The following POU6F2 variants were observed in gnomAD, a reference collection of about 807,000 sequenced individuals.
POU6F2 encodes the protein POU domain, class 6, transcription factor 2.
A neutral mutation model predicts 71.3 loss-of-function variants in POU6F2; 31 were observed. That is an observed-to-expected ratio of 0.43 (90% CI 0.33 to 0.59). POU6F2 has a LOEUF of 0.59. Ranked by LOEUF, POU6F2 falls within the 20% of genes least tolerant of loss-of-function variation. The pLI, the probability that POU6F2 is intolerant of heterozygous loss-of-function variation, is 0.04. For missense variants in POU6F2, 783 were observed against 856.8 expected (o/e 0.91, Z 1.07); for synonymous variants, 347 against 355.7 (o/e 0.98, Z 0.27).
intron 1 of POU6F2, among the ~76,000 whole-genome samples, chr7:39,013,788 T>C (rs1789396820): frequency 6.6e-6 from 1 of 152,050 alleles, no homozygotes; most frequent in South Asian, 2.1e-4. Flanking sequence ...AGTCAATGAG[T>C]GGAGGAAATA....
At chr7:39,241,082 C>G (rs983173837) in intron 4 of POU6F2, among the ~76,000 whole-genome samples, 1 of 152,128 alleles carries the variant, frequency 6.6e-6, no homozygotes, top group Non-Finnish European at 1.5e-5. Context: ...CTCCCTTCCC[C>G]GCAAGACTTC....
intron 1 of POU6F2, among the ~76,000 whole-genome samples, chr7:39,079,146 A>G (rs1791060895): frequency 7.1e-6 from 1 of 141,692 alleles, no homozygotes; most frequent in African/African-American, 2.6e-5. Flanking sequence ...CATACACATT[A>G]TCTGTACATT....
chr7:39,315,289 G>A lies in POU6F2; in HGVS notation c.599-24353G>A, dbSNP rs540001022. ...TTTTTCCAGGGAAGTATCCATACTC[G>A]AGGGTCACTGCAGGAAGGATTTTCC... is the stretch of plus-strand genomic sequence containing the variant. On this transcript the variant is annotated intron_variant, in intron 4 of 9. Transcript: ENST00000518318. Among the ~76,000 whole-genome samples the A allele has an allele frequency of 2.0e-5, 3 of 152,160 alleles. No individual in the cohort carries two copies. In the East Asian group the frequency reaches 5.8e-4, roughly 29 times the overall value.
intron 5 of POU6F2, among the ~76,000 whole-genome samples, chr7:39,393,034 C>G (rs1272327079): frequency 6.6e-6 from 1 of 152,142 alleles, no homozygotes; most frequent in Non-Finnish European, 1.5e-5. Flanking sequence ...TGTTTTTAAA[C>G]CTATGTTCGG....
At chr7:39,020,331 A>G (rs567345448) in intron 1 of POU6F2, among the ~76,000 whole-genome samples, 10 of 152,292 alleles carry the variant, frequency 6.6e-5, no homozygotes, top group African/African-American at 2.4e-4. Flanking sequence ...CTACTTCAAG[A>G]TATTGTTATA....
intron 2 of POU6F2, among the ~76,000 whole-genome samples, chr7:39,121,531 T>C (rs1792041763): frequency 6.6e-6 from 1 of 152,262 alleles, no homozygotes; most frequent in Non-Finnish European, 1.5e-5. Context: ...TTTCTCGTTA[T>C]TATTTCTCAC....
chr7:39,384,605 T>G (rs545138149), intron 5 of POU6F2, among the ~76,000 whole-genome samples: 1 of 152,368 alleles, frequency 6.6e-6, no homozygotes, highest in Non-Finnish European at 1.5e-5. Flanking sequence ...TCAGGGCCTT[T>G]GCACTTGCTG....
chr7:38,988,236 C>T (rs1192880033), intron 1 of POU6F2, among the ~76,000 whole-genome samples: 2 of 151,964 alleles, frequency 1.3e-5, no homozygotes, highest in Admixed American at 1.3e-4. Context: ...CCTCTGCCTG[C>T]CTTTTAGAAC....
chr7:39,375,125 G>C (rs982846458), intron 5 of POU6F2, among the ~76,000 whole-genome samples: 10 of 152,108 alleles, frequency 6.6e-5, no homozygotes, highest in Non-Finnish European at 1.5e-4. Flanking sequence ...GGGCTGGCGG[G>C]AAGATGAAGG....
chr7:39,298,812 A>C (rs2128764138), intron 4 of POU6F2, among the ~76,000 whole-genome samples: 2 of 152,358 alleles, frequency 1.3e-5, no homozygotes, highest in South Asian at 4.1e-4. Context: ...ACACCGTGGA[A>C]TACTATGATG....
rs1792239642 is a variant in POU6F2 at position 39,130,191 on chromosome 7, TTTTCC to T, written c.277+44165_277+44169del. 2.0e-5 allele frequency among the ~76,000 whole-genome samples: 3 copies of T among 151,986 alleles called. No homozygotes were observed. In the South Asian group the frequency reaches 6.2e-4, roughly 32 times the overall value. On this transcript the variant is annotated intron_variant, in intron 2 of 9. Transcript: ENST00000518318. ...GTGTGTGTGTGTGTGTTTTAATGTC[TTTTCC>T]TTTCTATAGGATATTTATTAACTAT...
At chr7:39,292,178 C>G (rs746608576) in intron 4 of POU6F2, among the ~76,000 whole-genome samples, 4 of 152,174 alleles carry the variant, frequency 2.6e-5, no homozygotes, top group Non-Finnish European at 5.9e-5. Flanking sequence ...CCCTACACAC[C>G]TTCCACCCGG....
intron 7 of POU6F2, among the ~76,000 whole-genome samples, chr7:39,447,183 C>T (rs1788544510): frequency 6.6e-6 from 1 of 152,092 alleles, no homozygotes; most frequent in South Asian, 2.1e-4. Flanking sequence ...AAATAGGGAA[C>T]TGCAGACAAT....
At chr7:39,220,730 T>C (rs1794333543) in intron 4 of POU6F2, among the ~76,000 whole-genome samples, 1 of 152,040 alleles carries the variant, frequency 6.6e-6, no homozygotes. Flanking sequence ...TTTGCTTTGC[T>C]TGTCTATTTT....
intron 2 of POU6F2, among the ~76,000 whole-genome samples, chr7:39,104,009 C>T (rs1343597349): frequency 6.6e-6 from 1 of 152,190 alleles, no homozygotes; most frequent in Non-Finnish European, 1.5e-5. Flanking sequence ...ATGACAAATA[C>T]TGAGATCTAC....
chr7:39,444,941 C>T (rs1788488081), intron 7 of POU6F2, among the ~76,000 whole-genome samples: 1 of 152,108 alleles, frequency 6.6e-6, no homozygotes, highest in African/African-American at 2.4e-5. Context: ...GAAAAAAAAT[C>T]TGCAACTTGC....
intron 1 of POU6F2, among the ~76,000 whole-genome samples, chr7:39,076,973 T>C (rs1037395019): frequency 6.6e-6 from 1 of 152,230 alleles, no homozygotes; most frequent in Admixed American, 6.5e-5. Flanking sequence ...AGATGTTCTC[T>C]CTTTGTAACT....
intron 2 of POU6F2, among the ~76,000 whole-genome samples, chr7:39,110,294 A>C (rs955541176): frequency 2.0e-5 from 3 of 150,974 alleles, no homozygotes; most frequent in African/African-American, 7.3e-5. Context: ...AAATGAATTA[A>C]ATTATATAAT....
At chr7:39,204,112 G>C in intron 2 of POU6F2, 123 bp from the exon 3 acceptor site, 1 of 814,436 alleles carries the variant, frequency 1.2e-6, no homozygotes, top group Non-Finnish European at 2.1e-6. Flanking sequence ...CAGTTGATAA[G>C]TGATTTGAGC....
Sources: allele counts gnomAD v4.1 joint callset (sites outside exome capture counted in the v4.1 genomes callset), GRCh38; gene constraint gnomAD v4.1.1; transcripts MANE v1.5; gene names NCBI Gene and HGNC (gene_info 2026-07-23, HGNC 2026-07-21).